G3BP2: variants seen among roughly 807,000 people sequenced by gnomAD.
The protein encoded by G3BP2 is ras GTPase-activating protein-binding protein 2.
G3BP2 carries 11 observed loss-of-function variants against 56.7 expected under a neutral mutation model. That is an observed-to-expected ratio of 0.19 (90% CI 0.12 to 0.32). The LOEUF (loss-of-function observed/expected upper bound fraction) is 0.32. Ranked by LOEUF, G3BP2 falls within the 10% of genes least tolerant of loss-of-function variation. The pLI is 1.00. For synonymous variants in G3BP2, 165 were observed against 191.6 expected (o/e 0.86, Z 1.15); for missense variants, 340 against 610.9 (o/e 0.56, Z 4.67).
At chr4:75,661,662 ATAAAAT>A in intron 2 of G3BP2, 2 of 234,196 alleles carry the variant, frequency 8.5e-6, no homozygotes, top group South Asian at 7.2e-5. Flanking sequence ...GACTCTAAAA[ATAAAAT>A]ACTAGAGTAC....
chr4:75,674,716 ATATTTTTTTTTTTT>A (rs1224189393), upstream of G3BP2, among the ~76,000 whole-genome samples: 1 of 53,082 alleles, frequency 1.9e-5, no homozygotes, highest in South Asian at 5.5e-4. Context: ...ATATATATAT[ATATTTTTTTTTTTT>A]TTTTTTTTTT....
At chr4:75,682,743 A>G (rs1438227846) in intron 3 of G3BP2, among the ~76,000 whole-genome samples, 4 of 152,210 alleles carry the variant, frequency 2.6e-5, no homozygotes, top group Non-Finnish European at 5.9e-5. Context: ...GCACTTTGGG[A>G]GGCCAAGGCG....
intron 3 of G3BP2, among the ~76,000 whole-genome samples, chr4:75,683,518 T>C (rs1718425776): frequency 1.3e-5 from 2 of 151,656 alleles, no homozygotes; most frequent in Non-Finnish European, 2.9e-5. Flanking sequence ...GAGCCGAGAT[T>C]GTGCCATTGC....
chr4:75,721,642 TG>T (rs1720184120), intron 2 of G3BP2, among the ~76,000 whole-genome samples: 1 of 152,166 alleles, frequency 6.6e-6, no homozygotes, highest in African/African-American at 2.4e-5. Context: ...CAAATACAAA[TG>T]ATCATTTATA....
intron 1 of G3BP2, among the ~76,000 whole-genome samples, chr4:75,662,679 G>C (rs945170172): frequency 6.6e-6 from 1 of 152,060 alleles, no homozygotes; most frequent in African/African-American, 2.4e-5. Flanking sequence ...TCTCTTTCTT[G>C]ATTTCCCTAC....
In G3BP2 at chr4:75,651,295, T is replaced by C. The variant is rs41346348; in HGVS notation, c.826-2554A>G. Among the ~76,000 whole-genome samples, 340 of 152,348 alleles carry C rather than the reference T, an allele frequency of 2.2e-3. 2 individuals carry two copies. The highest frequency in any genetic ancestry group is 0.019 in the Admixed American group (291 of 15,298). On this transcript the variant is annotated intron_variant, in intron 8 of 11. Coordinates refer to ENST00000359707, the MANE Select transcript of G3BP2 (RefSeq NM_203505.3). ...AAACCTTAGACTCATTCAATCCAAA[T>C]GTTATCAAAGAACTTGAGGCCCTGG...
chr4:75,657,429 A>C, intron 4 of G3BP2, 128 bp downstream of exon 4: 7 of 675,326 alleles, frequency 1.0e-5, no homozygotes, highest in Non-Finnish European at 1.5e-5. Flanking sequence ...ACTCACTCAA[A>C]CAACAGGTCA....
At chr4:75,692,719 T>C (rs557761461) in intron 3 of G3BP2, among the ~76,000 whole-genome samples, 52 of 152,184 alleles carry the variant, frequency 3.4e-4, no homozygotes, top group Middle Eastern at 3.4e-3. Flanking sequence ...GAAGTAGGAA[T>C]TCGTATTTAG....
At chr4:75,682,955 G>T (rs1400482208) in intron 3 of G3BP2, among the ~76,000 whole-genome samples, 2 of 150,630 alleles carry the variant, frequency 1.3e-5, no homozygotes, top group Non-Finnish European at 2.9e-5. Context: ...TTGCACTCCA[G>T]CCTGGTGACA....
At chr4:75,695,884 G>T (rs568114795) in intron 3 of G3BP2, among the ~76,000 whole-genome samples, 27 of 150,116 alleles carry the variant, frequency 1.8e-4, no homozygotes, top group Non-Finnish European at 3.2e-4. Flanking sequence ...TGAGGCAGGA[G>T]AATCGCTTGA....
rs529309044 is a variant in G3BP2 at position 75,670,095 on chromosome 4, T to C, written c.-25+3113A>G. 2.6e-5 allele frequency among the ~76,000 whole-genome samples: 4 copies of C among 152,290 alleles called. No individual in the cohort carries two copies. In the East Asian group the frequency reaches 7.7e-4, roughly 29 times the overall value. On this transcript the variant is annotated intron_variant, in intron 1 of 11. Transcript: ENST00000359707. Reference sequence around the variant, plus strand: ...ATAAAAAGAATAAGACCTCTAGTAATAGGAGGCAGTTCTCTTTACCAGATA... The same window carrying C: ...ATAAAAAGAATAAGACCTCTAGTAACAGGAGGCAGTTCTCTTTACCAGATA...
At chr4:75,682,380 C>T (rs1359020353) in intron 3 of G3BP2, among the ~76,000 whole-genome samples, 1 of 147,814 alleles carries the variant, frequency 6.8e-6, no homozygotes, top group East Asian at 2.0e-4. Context: ...TGTGCCACTG[C>T]ACTCCGGCCT....
At chr4:75,689,207 T>C (rs1718749229) in intron 3 of G3BP2, among the ~76,000 whole-genome samples, 1 of 152,074 alleles carries the variant, frequency 6.6e-6, no homozygotes, top group Non-Finnish European at 1.5e-5. Flanking sequence ...CAAAACCCCG[T>C]CTCTACTAAA....
At chr4:75,651,797 AAAAGC>A (rs1257779294) in intron 8 of G3BP2, among the ~76,000 whole-genome samples, 1 of 152,238 alleles carries the variant, frequency 6.6e-6, no homozygotes, top group Non-Finnish European at 1.5e-5. Flanking sequence ...TCAAGTCAAT[AAAAGC>A]AGGTATAACC....
chr4:75,648,901 A>C, intron 8 of G3BP2, 160 bp from the exon 9 acceptor site: 1 of 533,274 alleles, frequency 1.9e-6, no homozygotes, highest in South Asian at 2.6e-5. Context: ...ATTTTTATCA[A>C]GATATTCTGT....
intron 3 of G3BP2, among the ~76,000 whole-genome samples, chr4:75,690,587 A>T (rs748352788): frequency 6.6e-6 from 1 of 152,028 alleles, no homozygotes; most frequent in African/African-American, 2.4e-5. Context: ...TGAAGTGACA[A>T]AAGTGTTCTT....
chr4:75,694,999 G>C, intron 3 of G3BP2: 4 of 914,478 alleles, frequency 4.4e-6, no homozygotes, highest in Non-Finnish European at 5.2e-6. Context: ...GAATATCCGG[G>C]AGAATGGCCC....
At chr4:75,674,718 ATTTTTTTTTTTTT>A (rs71203842), upstream of G3BP2, among the ~76,000 whole-genome samples, 40 of 71,396 alleles carry the variant, frequency 5.6e-4, 2 homozygotes, top group East Asian at 2.2e-3. Context: ...ATATATATAT[ATTTTTTTTTTTTT>A]TTTTTTTTTA....
intron 8 of G3BP2, 67 bp downstream of exon 8, chr4:75,653,916 G>T: frequency 1.3e-6 from 1 of 743,930 alleles, no homozygotes; most frequent in Non-Finnish European, 2.4e-6. Context: ...ATTTTTAAAA[G>T]TATTTTAAAA....
Sources: allele counts gnomAD v4.1 joint callset (sites outside exome capture counted in the v4.1 genomes callset), GRCh38; gene constraint gnomAD v4.1.1; transcripts MANE v1.5; gene names NCBI Gene and HGNC (gene_info 2026-07-23, HGNC 2026-07-21).